Variants in ROBO1 observed in about 807,000 individuals in gnomAD.
ROBO1 encodes the protein roundabout guidance receptor 1, also known as roundabout homolog 1.
ROBO1 carries 149 observed loss-of-function variants against 195.9 expected under a neutral mutation model. The observed-to-expected ratio is 0.76, with a 90% CI of 0.67 to 0.87. ROBO1 has a LOEUF of 0.87. ROBO1 is among the 40% of genes least tolerant of loss of function. The probability of loss-of-function intolerance (pLI) is 0.00; values close to 1 mark genes in which losing one functional copy is unlikely to be tolerated. For synonymous variants in ROBO1, 816 were observed against 733.2 expected (o/e 1.11, Z -1.82); for missense variants, 1,933 against 2,068.3 (o/e 0.93, Z 1.27).
At chr3:78,751,342 T>C (rs1480847503) in intron 4 of ROBO1, among the ~76,000 whole-genome samples, 2 of 152,100 alleles carry the variant, frequency 1.3e-5, no homozygotes, top group Non-Finnish European at 2.9e-5. Flanking sequence ...AATAATGATG[T>C]TAGCAATGGC....
At position 79,030,240 on chromosome 3, in the gene ROBO1, C is replaced by G. The variant is rs367554970; in HGVS notation, c.173-91313G>C. On this transcript the variant is annotated intron_variant, in intron 3 of 30. Coordinates refer to ENST00000464233, the MANE Select transcript of ROBO1 (RefSeq NM_002941.4). ...CTCCCCATTGACATTCTGCAATGTC[C>G]AGAGACATTTGTGGTTGTCACAGCT... Among the ~76,000 whole-genome samples the G allele has an allele frequency of 5.9e-4, 90 of 152,290 alleles. 1 individual carries two copies. Among genetic ancestry groups the G allele is most frequent in the African/African-American group, 2.1e-3 (87 of 41,552 alleles).
intron 7 of ROBO1, among the ~76,000 whole-genome samples, chr3:78,715,408 C>G (rs375195191): frequency 2.4e-4 from 36 of 152,316 alleles, no homozygotes; most frequent in African/African-American, 7.5e-4. Context: ...AGCCCTGTCT[C>G]TATCTCACCT....
intron 8 of ROBO1, among the ~76,000 whole-genome samples, chr3:78,705,714 A>G (rs941418780): frequency 6.6e-6 from 1 of 152,164 alleles, no homozygotes; most frequent in African/African-American, 2.4e-5. Context: ...GCCTTCACCA[A>G]TGTGGGCTGG....
At chr3:79,419,827 G>A (rs548174932) in intron 2 of ROBO1, among the ~76,000 whole-genome samples, 102 of 152,116 alleles carry the variant, frequency 6.7e-4, no homozygotes, top group Middle Eastern at 3.4e-3. Flanking sequence ...TAATTTTAAG[G>A]AAAACTAACT....
At chr3:79,751,936 C>A (rs1053338416) in intron 1 of ROBO1, among the ~76,000 whole-genome samples, 1 of 152,034 alleles carries the variant, frequency 6.6e-6, no homozygotes, top group Non-Finnish European at 1.5e-5. Context: ...ATATAGGAAA[C>A]CAGTCATCCA....
intron 4 of ROBO1, among the ~76,000 whole-genome samples, chr3:78,891,448 A>G (rs1388934248): frequency 6.6e-6 from 1 of 152,202 alleles, no homozygotes; most frequent in Non-Finnish European, 1.5e-5. Flanking sequence ...GTAAAAAAGA[A>G]TGATGACACC....
At chr3:79,081,284 T>G (rs2108462571) in intron 3 of ROBO1, among the ~76,000 whole-genome samples, 1 of 152,126 alleles carries the variant, frequency 6.6e-6, no homozygotes, top group East Asian at 1.9e-4. Flanking sequence ...TGCCATTGCA[T>G]TAATACGATA....
intron 3 of ROBO1, among the ~76,000 whole-genome samples, chr3:78,995,761 GTCTCC>G: frequency 6.9e-6 from 1 of 145,060 alleles, no homozygotes. Context: ...GCGAGACTCT[GTCTCC>G]AAAAAAAAAA....
intron 5 of ROBO1, among the ~76,000 whole-genome samples, chr3:78,739,843 G>A (rs752797133): frequency 1.3e-5 from 2 of 152,056 alleles, no homozygotes; most frequent in Non-Finnish European, 2.9e-5. Context: ...ATTAAAAACA[G>A]TACTTCATAA....
intron 4 of ROBO1, among the ~76,000 whole-genome samples, chr3:78,876,876 T>C (rs950517893): frequency 6.7e-6 from 1 of 148,396 alleles, no homozygotes; most frequent in African/African-American, 2.6e-5. Flanking sequence ...TCCACTAGAT[T>C]TTTTTTTTTC....
At chr3:79,478,185 A>G (rs1389812046) in intron 2 of ROBO1, among the ~76,000 whole-genome samples, 1 of 152,172 alleles carries the variant, frequency 6.6e-6, no homozygotes, top group African/African-American at 2.4e-5. Flanking sequence ...AAAATAATCA[A>G]GTGAAGGTCT....
intron 1 of ROBO1, among the ~76,000 whole-genome samples, chr3:79,650,617 A>T (rs1392581949): frequency 1.3e-5 from 2 of 151,922 alleles, no homozygotes; most frequent in African/African-American, 4.8e-5. Flanking sequence ...AAAAACCCTT[A>T]ATTATGCAAT....
intron 2 of ROBO1, among the ~76,000 whole-genome samples, chr3:79,494,393 A>G (rs1247548920): frequency 1.3e-5 from 2 of 152,210 alleles, no homozygotes. Flanking sequence ...CTTAACCTCA[A>G]TGAAGTTTTA....
chr3:78,704,726 G>A (rs1034058737), intron 8 of ROBO1, among the ~76,000 whole-genome samples: 2 of 150,124 alleles, frequency 1.3e-5, no homozygotes, highest in African/African-American at 4.9e-5. Context: ...TGCTTCTGTA[G>A]AGCTACTTGG....
At chr3:78,974,652 A>G (rs1393043755) in intron 3 of ROBO1, among the ~76,000 whole-genome samples, 1 of 152,208 alleles carries the variant, frequency 6.6e-6, no homozygotes. Flanking sequence ...TTCTCAGAAC[A>G]CAAAGCCAAA....
rs558744887 is a variant in ROBO1 at position 78,766,626 on chromosome 3, T to C, written c.500-19726A>G. On this transcript the variant is annotated intron_variant, in intron 4 of 30. Coordinates refer to ENST00000464233, the MANE Select transcript of ROBO1 (RefSeq NM_002941.4). ...CCCTTTATTTCTTTCTCTTGACTGA[T>C]TGCTCTGGCTAGGACTTCCAGTACT... Among the ~76,000 whole-genome samples, 57 of 152,300 alleles carry C rather than the reference T, an allele frequency of 3.7e-4. 1 individual carries two copies. Among genetic ancestry groups the C allele is most frequent in the Middle Eastern group, 3.4e-3 (1 of 294 alleles).
chr3:79,621,228 TCTTTC>T (rs2107977642), intron 1 of ROBO1, among the ~76,000 whole-genome samples: 1 of 152,262 alleles, frequency 6.6e-6, no homozygotes, highest in African/African-American at 2.4e-5. Flanking sequence ...TGATTTACTT[TCTTTC>T]CTTGTGAGCC....
intron 4 of ROBO1, among the ~76,000 whole-genome samples, chr3:78,783,592 G>C (rs1036047777): frequency 5.3e-5 from 8 of 152,172 alleles, no homozygotes; most frequent in African/African-American, 1.9e-4. Context: ...AGGTTCTATG[G>C]CATTTTGTAA....
rs930410608 is a variant in ROBO1 at position 78,712,012 on chromosome 3, C to T, written c.1045+2385G>A. On this transcript the variant is annotated intron_variant, in intron 8 of 30. Transcript: ENST00000464233. Reference sequence around the variant, plus strand: ...GCAGAATTTGGGATTACAAGAAGACCTTGGCAAAAAAAAAAAAAAAAAAAA... The same window carrying T: ...GCAGAATTTGGGATTACAAGAAGACTTTGGCAAAAAAAAAAAAAAAAAAAA... Among the ~76,000 whole-genome samples the T allele has an allele frequency of 4.3e-4, 33 of 77,618 alleles. 1 individual carries two copies. The highest frequency in any genetic ancestry group is 1.6e-3 in the African/African-American group (30 of 18,708). The allele number at this position is 77,618 out of a possible 152,430, so 50.9% of individuals were successfully genotyped here. A position where few individuals can be genotyped will look rare whatever the true frequency, so the allele number is the denominator to read the frequency against.
Sources: gnomAD v4.1 joint callset for allele counts (sites outside exome capture counted in the v4.1 genomes callset) on GRCh38, gnomAD v4.1.1 for gene constraint, MANE v1.5 for transcripts, NCBI Gene and HGNC (gene_info 2026-07-23, HGNC 2026-07-21) for gene names.